EYS: variants seen among roughly 807,000 people sequenced by gnomAD.
EYS encodes protein eyes shut homolog.
Under a neutral mutation model 282.1 loss-of-function variants are expected in EYS, and 250 were observed. The observed-to-expected ratio is 0.89, with a 90% confidence interval of 0.80 to 0.98. The LOEUF is 0.98. EYS is among the 50% of genes least tolerant of loss of function. The probability of loss-of-function intolerance (pLI) is 0.00; values close to 1 mark genes in which losing one functional copy is unlikely to be tolerated. For missense variants in EYS, 4,016 were observed against 3,709.0 expected, an observed-to-expected ratio of 1.08 and a Z score of -2.15; for synonymous variants, 1,355 against 1,282.9, an observed-to-expected ratio of 1.06 and a Z score of -1.20.
chr6:64,645,113 G>C (rs1464919611), intron 22 of EYS, among the ~76,000 whole-genome samples: 3 of 152,168 alleles, frequency 2.0e-5, no homozygotes, highest in Non-Finnish European at 4.4e-5. Context: ...ACTAAATACT[G>C]TTTACCATTT....
At chr6:64,537,133 A>T (rs535777600) in intron 26 of EYS, among the ~76,000 whole-genome samples, 1 of 148,472 alleles carries the variant, frequency 6.7e-6, no homozygotes, top group African/African-American at 2.5e-5. Context: ...CATTAGGTAT[A>T]ACTCCCAATG....
intron 26 of EYS, among the ~76,000 whole-genome samples, chr6:64,450,933 T>A (rs1161756668): frequency 6.6e-6 from 1 of 151,390 alleles, no homozygotes; most frequent in Non-Finnish European, 1.5e-5. Context: ...GACCCTAACA[T>A]CAAAATTAAA....
At chr6:63,733,094 T>A (rs2149636177) in intron 41 of EYS, among the ~76,000 whole-genome samples, 1 of 152,104 alleles carries the variant, frequency 6.6e-6, no homozygotes, top group East Asian at 1.9e-4. Context: ...GTGATAGGGT[T>A]CCTACCATGA....
chr6:65,141,685 ATC>A (rs1764348871), intron 12 of EYS, among the ~76,000 whole-genome samples: 1 of 151,432 alleles, frequency 6.6e-6, no homozygotes, highest in Non-Finnish European at 1.5e-5. Context: ...CTATCTATCT[ATC>A]TAGAAAGGAA....
chr6:65,202,695 G>A (rs1765932396), intron 12 of EYS, among the ~76,000 whole-genome samples: 1 of 152,186 alleles, frequency 6.6e-6, no homozygotes, highest in South Asian at 2.1e-4. Context: ...GACAGCTGTG[G>A]TTTCTGCTGC....
chr6:65,471,229 CA>C (rs527251318), intron 5 of EYS, among the ~76,000 whole-genome samples: 4,697 of 96,668 alleles, frequency 0.049, 218 homozygotes, highest in African/African-American at 0.16. Flanking sequence ...CTCATCTTTA[CA>C]AAAAAAAAAA....
intron 26 of EYS, among the ~76,000 whole-genome samples, chr6:64,493,371 A>G (rs1776792467): frequency 6.6e-6 from 1 of 151,508 alleles, no homozygotes; most frequent in Non-Finnish European, 1.5e-5. Context: ...AGGATTATAA[A>G]TAAGAACAGG....
chr6:65,384,457 C>T lies in EYS; in HGVS notation c.1228G>A (p.Asp410Asn), dbSNP rs1765726839. The change falls in exon 8 of 43, where the codon GAC becomes AAC. Residue 410 changes from aspartate to asparagine, a missense_variant. Asp to Asn is a conservative substitution (Grantham distance 23). Transcript: ENST00000503581. ...FTEKNCEKAI[D>N]HCKLLSINCL... ...TTGATGCTGAGCAGTTTACAGTGGT[C>T]AATTGCTTTCTCACAGTTTTTTTCA... 1 of 1,608,602 alleles carries T rather than the reference C, an allele frequency of 6.2e-7. No homozygotes were observed. The highest frequency in any genetic ancestry group is 8.5e-7 in the Non-Finnish European group (1 of 1,176,888).
chr6:63,929,761 T>C (rs1028609950), intron 35 of EYS, among the ~76,000 whole-genome samples: 1 of 152,214 alleles, frequency 6.6e-6, no homozygotes, highest in Non-Finnish European at 1.5e-5. Context: ...TTTTCTACAC[T>C]GAGTTTTCTG....
chr6:65,224,262 A>G (rs1766557398), intron 12 of EYS, among the ~76,000 whole-genome samples: 1 of 152,204 alleles, frequency 6.6e-6, no homozygotes, highest in South Asian at 2.1e-4. Flanking sequence ...GGAACAAAAA[A>G]GTAGAGTTCA....
chr6:63,816,103 G>T (rs2149683538), intron 36 of EYS, among the ~76,000 whole-genome samples: 1 of 152,144 alleles, frequency 6.6e-6, no homozygotes, highest in Non-Finnish European at 1.5e-5. Flanking sequence ...CATATAAAAA[G>T]ATTTCATATT....
intron 19 of EYS, among the ~76,000 whole-genome samples, chr6:64,841,618 A>G (rs927345698): frequency 6.6e-6 from 1 of 152,118 alleles, no homozygotes; most frequent in African/African-American, 2.4e-5. Context: ...ACTAAATTAT[A>G]TTGCTTTGAT....
chr6:65,179,616 C>T (rs1765321721), intron 12 of EYS, among the ~76,000 whole-genome samples: 1 of 152,276 alleles, frequency 6.6e-6, no homozygotes, highest in East Asian at 1.9e-4. Flanking sequence ...CAGCCGAATT[C>T]TACCAGAGGT....
intron 13 of EYS, among the ~76,000 whole-genome samples, chr6:65,012,390 C>T (rs1189493726): frequency 6.6e-6 from 1 of 152,126 alleles, no homozygotes; most frequent in African/African-American, 2.4e-5. Context: ...AAAAATAAGG[C>T]TACTTATTCA....
intron 35 of EYS, among the ~76,000 whole-genome samples, chr6:63,929,107 G>A (rs1184427567): frequency 6.6e-6 from 1 of 152,140 alleles, no homozygotes; most frequent in African/African-American, 2.4e-5. Context: ...GGATCCATGA[G>A]CATGTCATCA....
chr6:64,061,099 G>A (rs1771151105), intron 33 of EYS, among the ~76,000 whole-genome samples: 1 of 152,114 alleles, frequency 6.6e-6, no homozygotes, highest in African/African-American at 2.4e-5. Flanking sequence ...ATAAATCTTT[G>A]AGGAAATGTT....
intron 26 of EYS, among the ~76,000 whole-genome samples, chr6:64,462,837 G>C (rs1464518705): frequency 4.0e-5 from 6 of 151,652 alleles, no homozygotes; most frequent in Non-Finnish European, 8.8e-5. Context: ...TCTTTAACTG[G>C]AATGCTAATT....
chr6:64,351,736 A>C (rs1771648722), intron 29 of EYS, among the ~76,000 whole-genome samples: 1 of 151,574 alleles, frequency 6.6e-6, no homozygotes. Context: ...TAGGGGAACA[A>C]AAGCCCTGAT....
chr6:65,668,755 A>G (rs1768282499), intron 1 of EYS, among the ~76,000 whole-genome samples: 1 of 151,924 alleles, frequency 6.6e-6, no homozygotes, highest in African/African-American at 2.4e-5. Flanking sequence ...ACATTGGCAA[A>G]CAGACACTAC....
Sources: gnomAD v4.1 joint callset for allele counts (sites outside exome capture counted in the v4.1 genomes callset) on GRCh38, gnomAD v4.1.1 for gene constraint, MANE v1.5 for transcripts, NCBI Gene and HGNC (gene_info 2026-07-23, HGNC 2026-07-21) for gene names.